Variants in DNAJC6 observed in about 807,000 individuals in gnomAD.
The protein encoded by DNAJC6 is DnaJ heat shock protein family (Hsp40) member C6.
DNAJC6 carries 34 observed loss-of-function variants against 110.0 expected under a neutral mutation model. That is an observed-to-expected ratio of 0.31 (90% CI 0.24 to 0.41). The LOEUF (loss-of-function observed/expected upper bound fraction) is 0.41. Among genes scored for constraint, DNAJC6 ranks in the 10% least tolerant of loss-of-function variants. The pLI, the probability that DNAJC6 is intolerant of heterozygous loss-of-function variation, is 1.00. For synonymous variants in DNAJC6, 406 were observed against 437.2 expected, an observed-to-expected ratio of 0.93 and a Z score of 0.89; for missense variants, 1,031 against 1,207.8, an observed-to-expected ratio of 0.85 and a Z score of 2.17.
intron 1 of DNAJC6, among the ~76,000 whole-genome samples, chr1:65,324,716 G>T (rs2101428882): frequency 6.6e-6 from 1 of 152,324 alleles, no homozygotes; most frequent in African/African-American, 2.4e-5. Flanking sequence ...GGCAGTGGTT[G>T]TCAATGAAGG....
intron 13 of DNAJC6, among the ~76,000 whole-genome samples, chr1:65,395,972 C>T (rs944686851): frequency 3.9e-5 from 6 of 152,132 alleles, no homozygotes; most frequent in Non-Finnish European, 7.4e-5. Flanking sequence ...TAGAAGGTGA[C>T]GTATTGTTGA....
At chr1:65,327,434 G>C (rs1570281959) in intron 1 of DNAJC6, among the ~76,000 whole-genome samples, 1 of 152,072 alleles carries the variant, frequency 6.6e-6, no homozygotes, top group South Asian at 2.1e-4. Flanking sequence ...TTTTCTACTT[G>C]ATTCTACAAG....
intron 1 of DNAJC6, among the ~76,000 whole-genome samples, chr1:65,266,301 C>G (rs984035093): frequency 6.6e-5 from 10 of 151,420 alleles, no homozygotes; most frequent in Non-Finnish European, 1.2e-4. Context: ...CACTCACAAT[C>G]TAATGCCAAT....
At chr1:65,410,620 C>T (rs1462045607) in intron 17 of DNAJC6, among the ~76,000 whole-genome samples, 2 of 152,176 alleles carry the variant, frequency 1.3e-5, no homozygotes, top group African/African-American at 2.4e-5. Context: ...AATGCTGATA[C>T]AGTTTTATGA....
At chr1:65,336,008 C>T (rs1645332429) in intron 1 of DNAJC6, among the ~76,000 whole-genome samples, 2 of 152,068 alleles carry the variant, frequency 1.3e-5, no homozygotes, top group Non-Finnish European at 2.9e-5. Flanking sequence ...TTGATTATAC[C>T]TCTTTGTATG....
At chr1:65,352,352 G>A (rs933441679) in intron 1 of DNAJC6, among the ~76,000 whole-genome samples, 2 of 152,022 alleles carry the variant, frequency 1.3e-5, no homozygotes, top group Admixed American at 6.6e-5. Flanking sequence ...TCTTCACACC[G>A]ACATTTGGAT....
intron 1 of DNAJC6, among the ~76,000 whole-genome samples, chr1:65,333,908 G>A (rs1004701109): frequency 1.3e-5 from 2 of 152,144 alleles, no homozygotes; most frequent in Non-Finnish European, 2.9e-5. Context: ...AAGTAAAAAG[G>A]ATAGATATGA....
At chr1:65,305,097 A>G (rs923411073), upstream of DNAJC6, among the ~76,000 whole-genome samples, 1 of 152,280 alleles carries the variant, frequency 6.6e-6, no homozygotes, top group Non-Finnish European at 1.5e-5. Flanking sequence ...TTGTTAAAAC[A>G]GAAAATTGAA....
chr1:65,408,696 T>A lies in DNAJC6; in HGVS notation c.2547T>A (p.Asn849Lys), dbSNP rs1469908875. ...FEDLLSGQGF[N>K]AHKDKKGPRT... ...ACCTACTCTCTGGTCAAGGTTTCAA[T>A]GCTCACAAAGACAAAAAGGGGCCTC... The change falls in exon 17 of 19, where the codon AAT becomes AAA. Residue 849 changes from asparagine to lysine, a missense_variant. Physicochemically the swap from Asn to Lys is moderately conservative, Grantham distance 94 (BLOSUM62 0). Transcript: ENST00000371069. The A allele has an allele frequency of 6.2e-7, 1 of 1,614,018 alleles. No homozygotes were observed. Among genetic ancestry groups the A allele is most frequent in the South Asian group, 1.1e-5 (1 of 91,060 alleles).
chr1:65,270,357 T>G (rs968726339), intron 1 of DNAJC6, among the ~76,000 whole-genome samples: 3 of 152,196 alleles, frequency 2.0e-5, no homozygotes, highest in African/African-American at 7.2e-5. Context: ...AATTTCATTT[T>G]GAGATACTAA....
chr1:65,389,107 T>C (rs1041050143), intron 9 of DNAJC6, 149 bp from the exon 10 acceptor site: 30 of 705,684 alleles, frequency 4.3e-5, no homozygotes, highest in Non-Finnish European at 2.3e-6. Context: ...CTCAGAAAAG[T>C]AAAGTAACTT....
chr1:65,394,803 G>C (rs1645961489), intron 12 of DNAJC6, 95 bp from the exon 13 acceptor site: 5 of 1,390,936 alleles, frequency 3.6e-6, no homozygotes, highest in Non-Finnish European at 4.8e-6. Context: ...GAAATTCTTG[G>C]AGTCCACTGT....
At chr1:65,290,620 A>AT (rs760252970) in intron 1 of DNAJC6, among the ~76,000 whole-genome samples, 1 of 152,182 alleles carries the variant, frequency 6.6e-6, no homozygotes, top group Non-Finnish European at 1.5e-5. Flanking sequence ...GGCAGTTAGC[A>AT]TTTTTTGTTG....
chr1:65,304,349 G>A (rs1427012323), intron 1 of DNAJC6, among the ~76,000 whole-genome samples: 1 of 152,112 alleles, frequency 6.6e-6, no homozygotes, highest in African/African-American at 2.4e-5. Context: ...CAGCTCACCC[G>A]ATTTTTTCCA....
At chr1:65,402,014 T>G (rs1646034637) in intron 15 of DNAJC6, 134 bp downstream of exon 15, 1 of 1,245,202 alleles carries the variant, frequency 8.0e-7, no homozygotes, top group South Asian at 1.5e-5. Flanking sequence ...TAAGCTATCC[T>G]CTGAAACCTG....
intron 1 of DNAJC6, among the ~76,000 whole-genome samples, chr1:65,269,573 C>A (rs1028702962): frequency 6.6e-6 from 1 of 152,148 alleles, no homozygotes; most frequent in African/African-American, 2.4e-5. Flanking sequence ...TTTTCTTAAA[C>A]ATCTTGACTA....
chr1:65,347,263 G>GGTA (rs1430876558), intron 1 of DNAJC6, among the ~76,000 whole-genome samples: 1 of 152,056 alleles, frequency 6.6e-6, no homozygotes, highest in Non-Finnish European at 1.5e-5. Flanking sequence ...TGTTAACAGT[G>GGTA]GTACCCTTGT....
At chr1:65,400,990 GT>G (rs931003913) in intron 14 of DNAJC6, among the ~76,000 whole-genome samples, 1 of 151,456 alleles carries the variant, frequency 6.6e-6, no homozygotes, top group African/African-American at 2.4e-5. Flanking sequence ...CATGTTTTTT[GT>G]TTTTTTTAAT....
intron 15 of DNAJC6, among the ~76,000 whole-genome samples, chr1:65,405,219 G>C (rs1157601336): frequency 6.6e-6 from 1 of 152,134 alleles, no homozygotes; most frequent in South Asian, 2.1e-4. Flanking sequence ...TTCAAAGCTT[G>C]AATAAGATCC....
Sources: gnomAD v4.1 joint callset for allele counts (sites outside exome capture counted in the v4.1 genomes callset) on GRCh38, gnomAD v4.1.1 for gene constraint, MANE v1.5 for transcripts, NCBI Gene and HGNC (gene_info 2026-07-23, HGNC 2026-07-21) for gene names.